Variants in SFMBT2 observed in about 807,000 individuals in gnomAD.
SFMBT2 encodes the protein Scm like with four mbt domains 2.
SFMBT2 carries 38 observed loss-of-function variants against 110.1 expected under a neutral mutation model. The observed-to-expected ratio is 0.35, with a 90% CI of 0.27 to 0.45. The LOEUF is 0.45. Among genes scored for constraint, SFMBT2 ranks in the 20% least tolerant of loss-of-function variants. The pLI is 1.00. For missense variants in SFMBT2, 1,011 were observed against 1,094.9 expected, an observed-to-expected ratio of 0.92 and a Z score of 1.08; for synonymous variants, 425 against 425.4, an observed-to-expected ratio of 1.00 and a Z score of 0.01.
intron 14 of SFMBT2, among the ~76,000 whole-genome samples, chr10:7,200,095 T>C (rs1304912317): frequency 6.6e-6 from 1 of 152,190 alleles, no homozygotes; most frequent in Non-Finnish European, 1.5e-5. Context: ...AATGAGATGA[T>C]ATTTTCAACT....
chr10:7,298,888 C>T (rs1433651926), intron 4 of SFMBT2, among the ~76,000 whole-genome samples: 1 of 152,110 alleles, frequency 6.6e-6, no homozygotes, highest in Non-Finnish European at 1.5e-5. Context: ...TTACGAACAA[C>T]TACTGCATAG....
intron 7 of SFMBT2, among the ~76,000 whole-genome samples, chr10:7,266,546 C>G (rs185397613): frequency 6.6e-6 from 1 of 152,160 alleles, no homozygotes. Flanking sequence ...GGAGGGGGCA[C>G]GGCAGGTACG....
intron 4 of SFMBT2, among the ~76,000 whole-genome samples, chr10:7,327,966 C>G (rs979788119): frequency 6.6e-6 from 1 of 152,178 alleles, no homozygotes; most frequent in Admixed American, 6.5e-5. Context: ...GTTTTCATCT[C>G]TCAAGGTTAA....
At chr10:7,257,730 T>A (rs1013921296) in intron 7 of SFMBT2, among the ~76,000 whole-genome samples, 3 of 152,214 alleles carry the variant, frequency 2.0e-5, no homozygotes, top group African/African-American at 7.2e-5. Flanking sequence ...TGTCACTATG[T>A]GGCTATCACA....
chr10:7,327,687 A>AC (rs1482373740), intron 4 of SFMBT2, among the ~76,000 whole-genome samples: 1 of 152,118 alleles, frequency 6.6e-6, no homozygotes, highest in Non-Finnish European at 1.5e-5. Context: ...ACTCAAAAAA[A>AC]AAAAAAAAAG....
chr10:7,164,501 G>A (rs1837641520), intron 20 of SFMBT2: 2 of 956,218 alleles, frequency 2.1e-6, no homozygotes, highest in African/African-American at 1.8e-5. Context: ...CAGGTGGGTT[G>A]CTGCGGGAAT....
chr10:7,348,107 C>T, intron 4 of SFMBT2: 1 of 448,656 alleles, frequency 2.2e-6, no homozygotes, highest in Non-Finnish European at 4.0e-6. Context: ...ATCCCTTCAT[C>T]TCTACGAGTC....
intron 4 of SFMBT2, among the ~76,000 whole-genome samples, chr10:7,291,408 A>G (rs1181677921): frequency 6.6e-6 from 1 of 152,056 alleles, no homozygotes; most frequent in Non-Finnish European, 1.5e-5. Context: ...TTTCGTTTGC[A>G]ATGTTTCTTT....
chr10:7,229,958 C>T (rs1840066451), intron 9 of SFMBT2, among the ~76,000 whole-genome samples: 1 of 151,694 alleles, frequency 6.6e-6, no homozygotes, highest in Non-Finnish European at 1.5e-5. Flanking sequence ...ACCTTATGAT[C>T]CACCCACCTC....
At chr10:7,175,757 C>A in intron 17 of SFMBT2, among the ~76,000 whole-genome samples, 1 of 101,566 alleles carries the variant, frequency 9.8e-6, no homozygotes, top group East Asian at 4.8e-4. Context: ...TTTTCCAAGG[C>A]CTACCAATGA....
intron 1 of SFMBT2, among the ~76,000 whole-genome samples, chr10:7,386,420 C>T (rs1845607835): frequency 6.6e-6 from 1 of 152,056 alleles, no homozygotes; most frequent in African/African-American, 2.4e-5. Flanking sequence ...ACCAGCCTGG[C>T]CAATGTGGTG....
chr10:7,363,866 T>C (rs1490240598), intron 4 of SFMBT2, among the ~76,000 whole-genome samples: 1 of 151,812 alleles, frequency 6.6e-6, no homozygotes, highest in Non-Finnish European at 1.5e-5. Flanking sequence ...AGTAAGAAAA[T>C]CTCCGTCTCA....
rs188781503 is a variant in SFMBT2, at chr10:7,203,032, T to C, written c.1445-510A>G. ...TCAAATATTGACATAAATGAGCAAA[T>C]AGTGATTTCTTTGGATAAGAACATT... is the stretch of plus-strand genomic sequence containing the variant. On this transcript the variant is annotated intron_variant, in intron 12 of 20. Transcript: ENST00000397167. The C allele has an allele frequency of 4.1e-3, 3,992 of 985,344 alleles. 8 individuals are homozygous for C. The highest frequency in any genetic ancestry group is 5.2e-3 in the Middle Eastern group (10 of 1,914). The allele number at this position is 985,344 out of a possible 1,614,324, so 61.0% of individuals were successfully genotyped here.
intron 4 of SFMBT2, among the ~76,000 whole-genome samples, chr10:7,365,691 T>G (rs75324441): frequency 0.023 from 3,432 of 152,286 alleles, 61 homozygotes; most frequent in South Asian, 0.052. Context: ...GGATGAGCCC[T>G]GAGGACACTA....
intron 9 of SFMBT2, among the ~76,000 whole-genome samples, chr10:7,231,127 T>C (rs1365858502): frequency 6.6e-6 from 1 of 152,148 alleles, no homozygotes; most frequent in Non-Finnish European, 1.5e-5. Flanking sequence ...CGTGGCTGGA[T>C]GACGAGCAGT....
In SFMBT2 at chr10:7,360,036, G is replaced by A. The variant is rs560162653; in HGVS notation, c.436+7613C>T. Among the ~76,000 whole-genome samples, 7 of 152,326 alleles carry A rather than the reference G, an allele frequency of 4.6e-5. No individual in the cohort carries two copies. The East Asian group carries it at 1.2e-3, about 25-fold the overall frequency. ...ATAATACCAGCCACTTCAAAAGGAT[G>A]TTCTGAGGATTGACAGGATTAAACG... is the stretch of plus-strand genomic sequence containing the variant. On this transcript the variant is annotated intron_variant, in intron 4 of 20. Coordinates refer to ENST00000397167, the MANE Select transcript of SFMBT2 (RefSeq NM_001387889.1).
chr10:7,171,514 C>A lies in SFMBT2; in HGVS notation c.2415+381G>T. On this transcript the variant is annotated intron_variant, in intron 19 of 20. Transcript: ENST00000397167. This position sits in a 1 kb window ranked among gnomAD's most constrained non-coding sequence, Gnocchi z 4.9. ...GAAACACTGATTAAATATTTTAAAA[C>A]ATCACAGAGGTGTCCTATAGAGGGG... 1.0e-6 allele frequency: 1 copy of A among 985,414 alleles called. No homozygotes were observed. Among genetic ancestry groups the A allele is most frequent in the Non-Finnish European group, 1.2e-6 (1 of 829,924 alleles). The allele number at this position is 985,414 out of a possible 1,614,324, so 61.0% of individuals were successfully genotyped here. A position where few individuals can be genotyped will look rare whatever the true frequency, so the allele number is the denominator to read the frequency against.
chr10:7,395,391 T>G (rs1845896642), intron 1 of SFMBT2, among the ~76,000 whole-genome samples: 1 of 152,222 alleles, frequency 6.6e-6, no homozygotes, highest in Non-Finnish European at 1.5e-5. Flanking sequence ...CTGTCCTAAT[T>G]AGGGGACTTT....
chr10:7,207,698 T>C (rs997591079), intron 11 of SFMBT2: 1 of 763,928 alleles, frequency 1.3e-6, no homozygotes, highest in Non-Finnish European at 1.6e-6. Context: ...AAACACAAAA[T>C]GGTCCTAAAT....
Sources: allele counts gnomAD v4.1 joint callset (sites outside exome capture counted in the v4.1 genomes callset), GRCh38; gene constraint gnomAD v4.1.1; non-coding constraint Gnocchi (gnomAD v3.1); transcripts MANE v1.5; gene names NCBI Gene and HGNC (gene_info 2026-07-23, HGNC 2026-07-21).